CDH13: variants seen among roughly 807,000 people sequenced by gnomAD.
CDH13 encodes cadherin 13.
In CDH13, 24 loss-of-function variants were observed where a neutral mutation model predicts 63.8. The observed-to-expected ratio is 0.38, with a 90% confidence interval of 0.27 to 0.53. The LOEUF (loss-of-function observed/expected upper bound fraction) is 0.53. Among genes scored for constraint, CDH13 ranks in the 20% least tolerant of loss-of-function variants. CDH13 has a pLI of 0.85. For synonymous variants in CDH13, 503 were observed against 355.3 expected (o/e 1.42, Z -4.67); for missense variants, 1,049 against 903.1 (o/e 1.16, Z -2.07).
intron 5 of CDH13, among the ~76,000 whole-genome samples, chr16:83,232,453 A>C (rs962833944): frequency 2.0e-5 from 3 of 151,346 alleles, no homozygotes; most frequent in Admixed American, 1.3e-4. Flanking sequence ...TGAACCTGGG[A>C]GGCAGAAGTT....
At chr16:83,557,123 C>A (rs2075620351) in intron 7 of CDH13, among the ~76,000 whole-genome samples, 1 of 152,168 alleles carries the variant, frequency 6.6e-6, no homozygotes. Context: ...GCATTAGAGT[C>A]TCATAGGAGT....
At chr16:82,850,234 G>C (rs79896096) in intron 1 of CDH13, among the ~76,000 whole-genome samples, 4 of 149,634 alleles carry the variant, frequency 2.7e-5, no homozygotes, top group African/African-American at 9.8e-5. Flanking sequence ...CATGGGGGGT[G>C]GTTAAAATGT....
chr16:82,701,638 A>G (rs1461409670), intron 1 of CDH13, among the ~76,000 whole-genome samples: 3 of 151,920 alleles, frequency 2.0e-5, no homozygotes, highest in South Asian at 2.1e-4. Flanking sequence ...CTGTGATCAC[A>G]TGTCTCATTG....
intron 5 of CDH13, among the ~76,000 whole-genome samples, chr16:83,322,614 C>T (rs889984438): frequency 3.3e-5 from 5 of 152,128 alleles, no homozygotes; most frequent in African/African-American, 1.2e-4. Flanking sequence ...TCCCACGGGC[C>T]ATCATAGAGG....
At chr16:82,733,727 A>G (rs2033522678) in intron 1 of CDH13, among the ~76,000 whole-genome samples, 1 of 152,250 alleles carries the variant, frequency 6.6e-6, no homozygotes, top group African/African-American at 2.4e-5. Flanking sequence ...TTTAAGCACC[A>G]AACTCTACCA....
intron 10 of CDH13, among the ~76,000 whole-genome samples, chr16:83,718,425 T>C (rs1177707464): frequency 1.4e-4 from 22 of 152,106 alleles, no homozygotes. Context: ...GAAAGGTGAG[T>C]GTGAGCGTTT....
chr16:82,633,223 G>C (rs1004173888), intron 1 of CDH13, among the ~76,000 whole-genome samples: 1 of 152,162 alleles, frequency 6.6e-6, no homozygotes, highest in Non-Finnish European at 1.5e-5. Context: ...TGACAGCTGA[G>C]CATCATCATT....
chr16:83,019,789 C>T (rs928316443), intron 2 of CDH13, among the ~76,000 whole-genome samples: 7 of 149,100 alleles, frequency 4.7e-5, no homozygotes, highest in Non-Finnish European at 8.9e-5. Context: ...AGCCACCATG[C>T]CCGGCCAGTA....
intron 2 of CDH13, among the ~76,000 whole-genome samples, chr16:82,980,185 G>A (rs926378556): frequency 1.3e-5 from 2 of 152,162 alleles, no homozygotes; most frequent in Non-Finnish European, 2.9e-5. Context: ...GCCACCTGAC[G>A]TGTCTGAGAC....
chr16:82,897,369 C>T (rs1405957777), intron 2 of CDH13, among the ~76,000 whole-genome samples: 1 of 152,076 alleles, frequency 6.6e-6, no homozygotes, highest in Non-Finnish European at 1.5e-5. Flanking sequence ...AATATTAGTT[C>T]AATGAATGAA....
At chr16:82,882,506 A>C (rs2151206529) in intron 2 of CDH13, among the ~76,000 whole-genome samples, 1 of 152,328 alleles carries the variant, frequency 6.6e-6, no homozygotes, top group African/African-American at 2.4e-5. Context: ...AACCATGGTC[A>C]CCGCTGCAGG....
At chr16:83,525,977 G>T (rs921146209) in intron 7 of CDH13, among the ~76,000 whole-genome samples, 2 of 152,206 alleles carry the variant, frequency 1.3e-5, no homozygotes, top group Non-Finnish European at 1.5e-5. Flanking sequence ...GGAAAGGAGT[G>T]CAGCCCTTCC....
intron 5 of CDH13, among the ~76,000 whole-genome samples, chr16:83,226,374 A>C (rs1365792085): frequency 6.6e-6 from 1 of 152,044 alleles, no homozygotes; most frequent in Non-Finnish European, 1.5e-5. Flanking sequence ...ATGGAAACAT[A>C]TTTTTCTCTG....
chr16:83,010,417 G>GT lies in CDH13; in HGVS notation c.158-21586dup, dbSNP rs796342275. 7.2e-5 allele frequency among the ~76,000 whole-genome samples: 11 copies of GT among 152,010 alleles called. No homozygotes were observed. The South Asian group carries it at 1.0e-3, about 14-fold the overall frequency. ...CGACTGTCAGAAATGGAAATGTAGG[G>GT]TTTTTTTGGCCCCTTTGCTTGTTTT... On this transcript the variant is annotated intron_variant, in intron 2 of 13. Transcript: ENST00000567109.
rs146672408 is a variant in CDH13 at position 83,692,057 on chromosome 16, A to T, written c.1538+13596A>T. On this transcript the variant is annotated intron_variant, in intron 10 of 13. Coordinates refer to ENST00000567109, the MANE Select transcript of CDH13 (RefSeq NM_001257.5). ...ATTCACACTCAGGAAATGTGACTCA[A>T]TGACAGCCGTCGTCACCTCTCTGCT... Among the ~76,000 whole-genome samples, 20 of 152,300 alleles carry T rather than the reference A, an allele frequency of 1.3e-4. No homozygotes were observed. In the East Asian group the frequency reaches 3.7e-3, roughly 28 times the overall value.
chr16:83,192,281 G>A (rs1478527122), intron 4 of CDH13, among the ~76,000 whole-genome samples: 1 of 152,182 alleles, frequency 6.6e-6, no homozygotes, highest in African/African-American at 2.4e-5. Context: ...TATTCAGCAG[G>A]TAACTACGTA....
At chr16:83,785,390 C>T (rs567408881) in intron 13 of CDH13, among the ~76,000 whole-genome samples, 1 of 152,310 alleles carries the variant, frequency 6.6e-6, no homozygotes, top group East Asian at 1.9e-4. Flanking sequence ...CCATCCCATC[C>T]ATGAGGACAC....
intron 3 of CDH13, among the ~76,000 whole-genome samples, chr16:83,096,251 G>A (rs547051856): frequency 2.4e-4 from 37 of 152,132 alleles, no homozygotes; most frequent in Non-Finnish European, 4.3e-4. Context: ...TTCAGCAACC[G>A]ACCATCATGA....
At chr16:82,675,497 T>C (rs1913791062) in intron 1 of CDH13, among the ~76,000 whole-genome samples, 2 of 152,332 alleles carry the variant, frequency 1.3e-5, no homozygotes, top group African/African-American at 4.8e-5. Flanking sequence ...TATTCTCCTC[T>C]GGTAGGAAAA....
Sources: gnomAD v4.1 joint callset for allele counts (sites outside exome capture counted in the v4.1 genomes callset) on GRCh38, gnomAD v4.1.1 for gene constraint, MANE v1.5 for transcripts, NCBI Gene and HGNC (gene_info 2026-07-23, HGNC 2026-07-21) for gene names.